Variants in DLGAP1 observed in about 807,000 individuals in gnomAD.
DLGAP1 encodes DLG associated protein 1.
DLGAP1 carries 11 observed loss-of-function variants against 90.8 expected under a neutral mutation model. The ratio of observed to expected loss-of-function variants is 0.12; its 90% CI spans 0.08 to 0.20. The LOEUF is 0.20. DLGAP1 is among the 10% of genes least tolerant of loss of function. DLGAP1 has a pLI of 1.00. For missense variants in DLGAP1, 1,050 were observed against 1,333.8 expected, an observed-to-expected ratio of 0.79 and a Z score of 3.31; for synonymous variants, 558 against 540.7, an observed-to-expected ratio of 1.03 and a Z score of -0.44.
At chr18:4,159,739 A>G (rs2076813922) in intron 1 of DLGAP1, among the ~76,000 whole-genome samples, 1 of 152,232 alleles carries the variant, frequency 6.6e-6, no homozygotes, top group Non-Finnish European at 1.5e-5. Flanking sequence ...CCTTACAATC[A>G]CGAAATACAT....
chr18:3,613,160 A>C (rs2057711024), intron 7 of DLGAP1, among the ~76,000 whole-genome samples: 1 of 152,010 alleles, frequency 6.6e-6, no homozygotes, highest in Admixed American at 6.6e-5. Context: ...TTCTATTGCT[A>C]ATGTAAGAGG....
intron 7 of DLGAP1, among the ~76,000 whole-genome samples, chr18:3,604,930 A>C (rs775175543): frequency 5.9e-5 from 9 of 152,212 alleles, no homozygotes; most frequent in South Asian, 2.1e-4. Flanking sequence ...ATCTGTGTAC[A>C]TACTGGGCAA....
At chr18:4,014,679 G>A (rs977025863) in intron 2 of DLGAP1, among the ~76,000 whole-genome samples, 3 of 152,138 alleles carry the variant, frequency 2.0e-5, no homozygotes, top group African/African-American at 7.2e-5. Flanking sequence ...ATGTACAACT[G>A]TTGTATATTA....
At chr18:4,443,449 G>A (rs2083585971) in intron 1 of DLGAP1, among the ~76,000 whole-genome samples, 1 of 152,086 alleles carries the variant, frequency 6.6e-6, no homozygotes, top group Non-Finnish European at 1.5e-5. Context: ...ATGTGTTCCT[G>A]GTTAAAATTT....
At chr18:3,527,766 A>C (rs1247567474) in intron 10 of DLGAP1, among the ~76,000 whole-genome samples, 1 of 151,942 alleles carries the variant, frequency 6.6e-6, no homozygotes, top group Non-Finnish European at 1.5e-5. Flanking sequence ...AATTAAAAAA[A>C]TATATATTTT....
At chr18:4,079,838 T>C (rs901913800) in intron 2 of DLGAP1, among the ~76,000 whole-genome samples, 3 of 152,136 alleles carry the variant, frequency 2.0e-5, no homozygotes. Context: ...GGAAAAATCC[T>C]GCTTACATCC....
At chr18:3,897,994 C>G (rs536742343) in intron 3 of DLGAP1, among the ~76,000 whole-genome samples, 1 of 151,862 alleles carries the variant, frequency 6.6e-6, no homozygotes, top group African/African-American at 2.4e-5. Context: ...CGGGGTTTCA[C>G]CTTGTTAGCC....
intron 1 of DLGAP1, among the ~76,000 whole-genome samples, chr18:4,236,654 A>G (rs1392894441): frequency 6.6e-6 from 1 of 152,010 alleles, no homozygotes; most frequent in Non-Finnish European, 1.5e-5. Flanking sequence ...GCTTTAATGC[A>G]ATGTTGTTTA....
chr18:4,129,516 G>T (rs931684330), intron 2 of DLGAP1, among the ~76,000 whole-genome samples: 1 of 152,132 alleles, frequency 6.6e-6, no homozygotes, highest in Non-Finnish European at 1.5e-5. Flanking sequence ...CAGAAGCACT[G>T]GTTCATCATC....
intron 7 of DLGAP1, among the ~76,000 whole-genome samples, chr18:3,670,311 CAT>C (rs72024679): frequency 0.11 from 16,909 of 152,066 alleles, 1,836 homozygotes; most frequent in African/African-American, 0.28. Flanking sequence ...AGACTGGAAA[CAT>C]ATATTCATTT....
intron 1 of DLGAP1, among the ~76,000 whole-genome samples, chr18:4,367,723 C>T (rs1003738975): frequency 6.6e-6 from 1 of 152,156 alleles, no homozygotes; most frequent in South Asian, 2.1e-4. Flanking sequence ...GTGGCAGGCA[C>T]CTGCAGTCCC....
chr18:3,602,593 C>CAA (rs71159102), intron 7 of DLGAP1, among the ~76,000 whole-genome samples: 1,162 of 65,960 alleles, frequency 0.018, 6 homozygotes, highest in African/African-American at 0.028. Context: ...AGACTCCGTC[C>CAA]AAAAAAAAAA....
At chr18:4,262,648 A>T (rs2079024750) in intron 1 of DLGAP1, among the ~76,000 whole-genome samples, 1 of 152,192 alleles carries the variant, frequency 6.6e-6, no homozygotes, top group Non-Finnish European at 1.5e-5. Flanking sequence ...ACACAGCAAC[A>T]TCCAGGTGCT....
chr18:3,871,513 A>C (rs766851658), intron 4 of DLGAP1, among the ~76,000 whole-genome samples: 3 of 152,178 alleles, frequency 2.0e-5, no homozygotes, highest in Non-Finnish European at 4.4e-5. Flanking sequence ...TTGTGGTTAA[A>C]AAAATTAAGG....
Position 4,444,231 on chromosome 18 carries a change from T to TC in DLGAP1, c.-267+10774dup, listed in dbSNP as rs397765151. On this transcript the variant is annotated intron_variant, in intron 1 of 12. Coordinates refer to ENST00000315677, the MANE Select transcript of DLGAP1 (RefSeq NM_004746.4). The stretch of plus-strand genomic sequence containing the variant: ...TTTCAGTGTTGCCTCTTCATTTTTT[T>TC]CCCCATATCCCATCTCACCTTAAGA... Among the ~76,000 whole-genome samples, 89 of 151,958 alleles carry TC rather than the reference T, an allele frequency of 5.9e-4. 1 individual carries two copies. Among genetic ancestry groups the TC allele is most frequent in the East Asian group, 3.9e-4 (2 of 5,150 alleles).
chr18:3,621,470 A>G (rs1409699699), intron 7 of DLGAP1, among the ~76,000 whole-genome samples: 1 of 152,212 alleles, frequency 6.6e-6, no homozygotes, highest in Non-Finnish European at 1.5e-5. Flanking sequence ...ATAGTGAACT[A>G]TATACAACCT....
intron 9 of DLGAP1, among the ~76,000 whole-genome samples, chr18:3,559,373 T>A (rs1205167331): frequency 6.6e-6 from 1 of 152,164 alleles, no homozygotes. Context: ...GGGAAAAGGG[T>A]TAAACTGATT....
At position 3,830,528 on chromosome 18, in the gene DLGAP1, T is replaced by G. The variant is rs146579700; in HGVS notation, c.958-16255A>C. Among the ~76,000 whole-genome samples, 4 of 152,284 alleles carry G rather than the reference T, an allele frequency of 2.6e-5. No homozygotes were observed. In the East Asian group the frequency reaches 7.7e-4, roughly 29 times the overall value. On this transcript the variant is annotated intron_variant, in intron 4 of 12. Coordinates refer to ENST00000315677, the MANE Select transcript of DLGAP1 (RefSeq NM_004746.4). Reference sequence around the variant, plus strand: ...TTGCAGGGAGCCGAGATCTTGCCATTGCACTCCAGCCTGGGAACCAGGGCA... The same window carrying G: ...TTGCAGGGAGCCGAGATCTTGCCATGGCACTCCAGCCTGGGAACCAGGGCA...
At position 3,801,445 on chromosome 18, in the gene DLGAP1, GTCTC is replaced by G. The variant is rs375359327; in HGVS notation, c.1172+12610_1172+12613del. Among the ~76,000 whole-genome samples the G allele has an allele frequency of 2.5e-4, 38 of 152,220 alleles. No individual in the cohort carries two copies. The South Asian group carries it at 7.7e-3, about 31-fold the overall frequency. Reference sequence around the variant, plus strand: ...CTTGATTTCAAACTGTCTCCAATTTGTCTCTCTCTATCTCATCTAGAGGCAGGCT... The same window carrying G: ...CTTGATTTCAAACTGTCTCCAATTTGTCTCTATCTCATCTAGAGGCAGGCT... On this transcript the variant is annotated intron_variant, in intron 5 of 12. Transcript: ENST00000315677.
Sources: gnomAD v4.1 joint callset for allele counts (sites outside exome capture counted in the v4.1 genomes callset) on GRCh38, gnomAD v4.1.1 for gene constraint, MANE v1.5 for transcripts, NCBI Gene and HGNC (gene_info 2026-07-23, HGNC 2026-07-21) for gene names.